CDH12: variants seen among roughly 807,000 people sequenced by gnomAD.
CDH12 encodes cadherin-12.
CDH12 carries 41 observed loss-of-function variants against 74.1 expected under a neutral mutation model. The ratio of observed to expected loss-of-function variants is 0.55; its 90% confidence interval spans 0.43 to 0.72. The LOEUF (loss-of-function observed/expected upper bound fraction) is 0.72. CDH12 is among the 30% of genes least tolerant of loss of function. The pLI, the probability that CDH12 is intolerant of heterozygous loss-of-function variation, is 0.00. For missense variants in CDH12, 945 were observed against 977.2 expected (o/e 0.97, Z 0.44); for synonymous variants, 399 against 355.0 (o/e 1.12, Z -1.39).
intron 4 of CDH12, among the ~76,000 whole-genome samples, chr5:22,109,449 G>T (rs899621022): frequency 2.8e-4 from 42 of 152,282 alleles, no homozygotes; most frequent in African/African-American, 9.9e-4. Flanking sequence ...GGGATTTCAG[G>T]TTCAGGGAAC....
chr5:21,759,979 C>T (rs1018509489), intron 13 of CDH12, among the ~76,000 whole-genome samples: 1 of 152,040 alleles, frequency 6.6e-6, no homozygotes, highest in African/African-American at 2.4e-5. Context: ...AGATAATAGC[C>T]TCCAGCTCCA....
chr5:22,681,620 C>G (rs559444478), intron 1 of CDH12, among the ~76,000 whole-genome samples: 35 of 152,136 alleles, frequency 2.3e-4, no homozygotes, highest in Admixed American at 5.2e-4. Context: ...CTGATTTTAA[C>G]TTTTAAAATT....
intron 1 of CDH12, among the ~76,000 whole-genome samples, chr5:22,588,823 A>T (rs1216047827): frequency 6.6e-6 from 1 of 152,072 alleles, no homozygotes; most frequent in Non-Finnish European, 1.5e-5. Flanking sequence ...TATATTCTGG[A>T]CCACATTCCT....
chr5:21,909,886 C>A (rs1452439026), intron 6 of CDH12, among the ~76,000 whole-genome samples: 1 of 152,092 alleles, frequency 6.6e-6, no homozygotes, highest in Non-Finnish European at 1.5e-5. Flanking sequence ...ACCTACAAAC[C>A]AATATCTTAA....
At chr5:22,608,936 TG>T (rs747777011) in intron 1 of CDH12, among the ~76,000 whole-genome samples, 5 of 152,104 alleles carry the variant, frequency 3.3e-5, no homozygotes, top group African/African-American at 4.8e-5. Flanking sequence ...TTCTTTATAG[TG>T]GTGTGAGGAC....
chr5:22,683,335 C>A (rs1018244897), intron 1 of CDH12, among the ~76,000 whole-genome samples: 2 of 152,098 alleles, frequency 1.3e-5, no homozygotes, highest in Admixed American at 6.6e-5. Flanking sequence ...GTAGCTAAAT[C>A]AGTCCTCACC....
intron 1 of CDH12, among the ~76,000 whole-genome samples, chr5:22,585,382 T>G (rs1021905027): frequency 2.6e-5 from 4 of 152,200 alleles, no homozygotes; most frequent in African/African-American, 9.6e-5. Flanking sequence ...GAGCTCTTTT[T>G]TTTACCTATA....
At chr5:22,276,636 T>C (rs565161924) in intron 3 of CDH12, among the ~76,000 whole-genome samples, 34 of 152,342 alleles carry the variant, frequency 2.2e-4, no homozygotes, top group African/African-American at 7.5e-4. Flanking sequence ...TATGTTTATT[T>C]AATAATTATG....
At position 21,767,021 on chromosome 5, in the gene CDH12, A is replaced by G. The variant is rs1392115228; in HGVS notation, c.1394-1922T>C. 2.0e-5 allele frequency among the ~76,000 whole-genome samples: 3 copies of G among 151,934 alleles called. No homozygotes were observed. The East Asian group carries it at 5.8e-4, about 29-fold the overall frequency. On this transcript the variant is annotated intron_variant, in intron 11 of 14. Coordinates refer to ENST00000382254, the MANE Select transcript of CDH12 (RefSeq NM_004061.5). ...TCTATTATATATTGAGCTTTAGATG[A>G]AAAAATAAACCACTTTGACAATTAT...
In CDH12 at chr5:21,752,203, T is replaced by C; in HGVS notation, c.1919A>G (p.Gln640Arg). ...IVVLYVALRR[Q>R]KKKDTLMTSK... ...GGTCATCAGGGTGTCTTTTTTCTTC[T>C]GCCTTCGCAGTGCTACATACAGTAC... Residue 640 changes from glutamine to arginine, a missense_variant, in exon 15 of 15, where the codon CAG becomes CGG. Transcript: ENST00000382254. 1 of 1,613,832 alleles carries C rather than the reference T, an allele frequency of 6.2e-7. No individual in the cohort carries two copies. Among genetic ancestry groups the C allele is most frequent in the Non-Finnish European group, 8.5e-7 (1 of 1,179,912 alleles).
intron 6 of CDH12, among the ~76,000 whole-genome samples, chr5:21,943,388 A>G (rs761483211): frequency 1.4e-4 from 21 of 152,208 alleles, no homozygotes; most frequent in Non-Finnish European, 2.8e-4. Context: ...AACCAATTAC[A>G]TACATTTTAG....
intron 3 of CDH12, among the ~76,000 whole-genome samples, chr5:22,342,305 A>T (rs1454184135): frequency 6.6e-6 from 1 of 152,220 alleles, no homozygotes; most frequent in Non-Finnish European, 1.5e-5. Flanking sequence ...TCAATACTGT[A>T]TCACCAGTTA....
At chr5:22,491,169 C>T (rs1015640259) in intron 2 of CDH12, among the ~76,000 whole-genome samples, 5 of 152,076 alleles carry the variant, frequency 3.3e-5, no homozygotes, top group African/African-American at 1.2e-4. Context: ...TAATACAATC[C>T]CCAATGTTTA....
At chr5:21,905,448 T>G (rs975089880) in intron 6 of CDH12, among the ~76,000 whole-genome samples, 1 of 152,218 alleles carries the variant, frequency 6.6e-6, no homozygotes, top group African/African-American at 2.4e-5. Context: ...TGACTGTCTT[T>G]GCAGTTTGTC....
chr5:22,684,745 T>A (rs1013218290), intron 1 of CDH12, among the ~76,000 whole-genome samples: 1 of 152,202 alleles, frequency 6.6e-6, no homozygotes, highest in Non-Finnish European at 1.5e-5. Flanking sequence ...CATCGTTGTA[T>A]ACTAAACAGC....
At chr5:22,051,853 G>A (rs977314802) in intron 5 of CDH12, among the ~76,000 whole-genome samples, 1 of 152,050 alleles carries the variant, frequency 6.6e-6, no homozygotes, top group Non-Finnish European at 1.5e-5. Context: ...AGGCAAGGGT[G>A]TAATTTGAAA....
chr5:21,825,210 C>G (rs958179996), intron 8 of CDH12, among the ~76,000 whole-genome samples: 3 of 151,184 alleles, frequency 2.0e-5, no homozygotes, highest in Non-Finnish European at 4.4e-5. Context: ...CTGAAAGCTA[C>G]AAGAGCCTTA....
At chr5:22,317,323 A>C (rs10473589) in intron 3 of CDH12, among the ~76,000 whole-genome samples, 1 of 152,180 alleles carries the variant, frequency 6.6e-6, no homozygotes. Flanking sequence ...GTCTCAAAAA[A>C]AAAATAAAAA....
intron 3 of CDH12, among the ~76,000 whole-genome samples, chr5:22,313,611 A>ATG (rs1379656781): frequency 6.6e-6 from 1 of 152,188 alleles, no homozygotes. Flanking sequence ...GATAAAGAAA[A>ATG]TGTGATATAT....
Sources: allele counts gnomAD v4.1 joint callset (sites outside exome capture counted in the v4.1 genomes callset), GRCh38; gene constraint gnomAD v4.1.1; transcripts MANE v1.5; gene names NCBI Gene and HGNC (gene_info 2026-07-23, HGNC 2026-07-21).